Variants in WASL observed in about 807,000 individuals in gnomAD.
The protein encoded by WASL is WASP like actin nucleation promoting factor.
WASL carries 20 observed loss-of-function variants against 55.5 expected under a neutral mutation model. The observed-to-expected ratio is 0.36, with a 90% CI of 0.25 to 0.52. The LOEUF (loss-of-function observed/expected upper bound fraction) is 0.52, where lower values mean the gene tolerates loss of function less well. WASL is among the 20% of genes least tolerant of loss of function. The probability of loss-of-function intolerance (pLI) is 0.92; values close to 1 mark genes in which losing one functional copy is unlikely to be tolerated. For missense variants in WASL, 504 were observed against 622.5 expected, an observed-to-expected ratio of 0.81 and a Z score of 2.03; for synonymous variants, 249 against 217.6, an observed-to-expected ratio of 1.14 and a Z score of -1.27.
intron 5 of WASL, among the ~76,000 whole-genome samples, chr7:123,699,182 G>A (rs1406752461): frequency 3.3e-5 from 5 of 152,080 alleles, no homozygotes; most frequent in Admixed American, 6.5e-5. Context: ...TCAGGAGTTC[G>A]AGACCAGCCT....
intron 1 of WASL, among the ~76,000 whole-genome samples, 183 bp from the exon 2 acceptor site, chr7:123,709,406 T>C (rs1803721176): frequency 6.6e-6 from 1 of 152,220 alleles, no homozygotes; most frequent in South Asian, 2.1e-4. Flanking sequence ...TAATTTCTTA[T>C]GTAGTAATAA....
chr7:123,725,368 GT>G (rs201362579), intron 1 of WASL, among the ~76,000 whole-genome samples: 1 of 151,676 alleles, frequency 6.6e-6, no homozygotes, highest in African/African-American at 2.4e-5. Context: ...CTAATAATCT[GT>G]TTTTTTTAAA....
chr7:123,710,874 C>T (rs1803743303), intron 1 of WASL, among the ~76,000 whole-genome samples: 1 of 152,132 alleles, frequency 6.6e-6, no homozygotes, highest in Non-Finnish European at 1.5e-5. Flanking sequence ...CATCCTGCTG[C>T]CAGCACTGAA....
chr7:123,710,738 C>CA (rs747727615), intron 1 of WASL, among the ~76,000 whole-genome samples: 1 of 152,000 alleles, frequency 6.6e-6, no homozygotes, highest in East Asian at 1.9e-4. Flanking sequence ...AACTTAAAAA[C>CA]AAAAAATGTG....
chr7:123,723,533 T>C lies in WASL; in HGVS notation c.118-14310A>G, dbSNP rs1371598157. Among the ~76,000 whole-genome samples the C allele has an allele frequency of 2.6e-5, 4 of 152,226 alleles. No individual in the cohort carries two copies. In the South Asian group the frequency reaches 6.2e-4, roughly 24 times the overall value. On this transcript the variant is annotated intron_variant, in intron 1 of 10. Coordinates refer to ENST00000223023, the MANE Select transcript of WASL (RefSeq NM_003941.4). ...CTGGCTTGTATACATATGACAAACC[T>C]ACCTTGCCAGTACCACCCATTCCCC...
At chr7:123,688,423 C>T (rs965559670) in intron 10 of WASL, among the ~76,000 whole-genome samples, 6 of 152,008 alleles carry the variant, frequency 3.9e-5, no homozygotes, top group Admixed American at 3.3e-4. Context: ...TGCAATGGTG[C>T]GATCTTGGCT....
chr7:123,744,769 T>C (rs1804403538), intron 1 of WASL, among the ~76,000 whole-genome samples: 1 of 152,172 alleles, frequency 6.6e-6, no homozygotes, highest in Non-Finnish European at 1.5e-5. Context: ...ACATACTCTT[T>C]ATATAAAATT....
At chr7:123,690,270 A>T (rs1210727443) in intron 9 of WASL, among the ~76,000 whole-genome samples, 4 of 152,230 alleles carry the variant, frequency 2.6e-5, no homozygotes, top group Non-Finnish European at 4.4e-5. Flanking sequence ...ACTTGAACAA[A>T]GTACTATTTG....
chr7:123,718,206 T>C (rs1443341069), intron 1 of WASL, among the ~76,000 whole-genome samples: 3 of 152,210 alleles, frequency 2.0e-5, no homozygotes, highest in Non-Finnish European at 4.4e-5. Context: ...CAAATAAACA[T>C]TCACTTTTAG....
In WASL at chr7:123,682,392, C is replaced by T. The variant is rs1180153919; in HGVS notation, c.*2127G>A. 1 of 152,072 alleles carries T rather than the reference C, an allele frequency of 6.6e-6. No individual in the cohort carries two copies. Among genetic ancestry groups the T allele is most frequent in the Non-Finnish European group, 1.5e-5 (1 of 68,000 alleles). 9.4% of individuals were successfully genotyped at this position (152,072 alleles called of 1,614,324 possible). A position where few individuals can be genotyped will look rare whatever the true frequency, so the allele number is the denominator to read the frequency against. ...AATTTAGACTTTTTGTAACAACAAC[C>T]AATGTCTTTTTCTTCTTTAAGAAAA... On this transcript the variant is annotated 3_prime_UTR_variant, in exon 11 of 11. Transcript: ENST00000223023.
At chr7:123,694,588 T>C (rs1246628292) in intron 8 of WASL, 127 bp downstream of exon 8, 2 of 876,430 alleles carry the variant, frequency 2.3e-6, no homozygotes, top group Admixed American at 3.1e-5. Context: ...TGGGCCACAT[T>C]AGTTGTCCAT....
At chr7:123,735,774 A>AC (rs2116821003) in intron 1 of WASL, among the ~76,000 whole-genome samples, 1 of 152,216 alleles carries the variant, frequency 6.6e-6, no homozygotes, top group African/African-American at 2.4e-5. Context: ...GAGGAGGAAG[A>AC]CGAGGAGGAC....
chr7:123,691,339 A>T (rs992025998), intron 9 of WASL, among the ~76,000 whole-genome samples: 1 of 152,168 alleles, frequency 6.6e-6, no homozygotes, highest in African/African-American at 2.4e-5. Context: ...AGGTTCTAGG[A>T]TAGGAGTCAG....
At position 123,682,288 on chromosome 7, in the gene WASL, C is replaced by T. The variant is rs1803209067; in HGVS notation, c.*2231G>A. The T allele has an allele frequency of 6.6e-6, 1 of 152,116 alleles. No individual in the cohort carries two copies. The highest frequency in any genetic ancestry group is 1.5e-5 in the Non-Finnish European group (1 of 68,012). 9.4% of individuals were successfully genotyped at this position (152,116 alleles called of 1,614,324 possible). A position where few individuals can be genotyped will look rare whatever the true frequency, so the allele number is the denominator to read the frequency against. On this transcript the variant is annotated 3_prime_UTR_variant, in exon 11 of 11. Transcript: ENST00000223023. ...ATGGTAGAGGACTGAAACATGCAAC[C>T]TTACACCTTACTTGGTAAAGCAGAT...
intron 1 of WASL, among the ~76,000 whole-genome samples, chr7:123,722,625 G>A (rs779729825): frequency 9.2e-5 from 14 of 151,960 alleles, no homozygotes; most frequent in Non-Finnish European, 1.6e-4. Context: ...CAACACCAGC[G>A]TGGCCAACAT....
chr7:123,715,152 T>C (rs1043565468), intron 1 of WASL, among the ~76,000 whole-genome samples: 4 of 152,220 alleles, frequency 2.6e-5, no homozygotes, highest in Admixed American at 6.5e-5. Context: ...TAATGGCCCT[T>C]GATTCAAGTT....
chr7:123,689,541 G>A (rs889775309), intron 9 of WASL, among the ~76,000 whole-genome samples: 11 of 152,118 alleles, frequency 7.2e-5, no homozygotes, highest in African/African-American at 2.4e-4. Context: ...AGACTCCAGA[G>A]TTGTTACGTG....
At position 123,690,611 on chromosome 7, in the gene WASL, TTC is replaced by T. The variant is rs1803394395; in HGVS notation, c.1348-1463_1348-1462del. On this transcript the variant is annotated intron_variant, in intron 9 of 10. Coordinates refer to ENST00000223023, the MANE Select transcript of WASL (RefSeq NM_003941.4). ...CACATCAATTAACAGGTTTTGCTGC[TTC>T]TTTTTTTTTTTTTGGAAAGAAAGGG... 9.3e-5 allele frequency among the ~76,000 whole-genome samples: 14 copies of T among 151,098 alleles called. No homozygotes were observed. The South Asian group carries it at 2.5e-3, about 27-fold the overall frequency.
intron 1 of WASL, among the ~76,000 whole-genome samples, chr7:123,724,151 T>G (rs559809618): frequency 4.6e-5 from 7 of 152,206 alleles, no homozygotes; most frequent in African/African-American, 1.7e-4. Flanking sequence ...AGATCAATAT[T>G]TGAAAACGTA....
Sources: allele counts gnomAD v4.1 joint callset (sites outside exome capture counted in the v4.1 genomes callset), GRCh38; gene constraint gnomAD v4.1.1; transcripts MANE v1.5; gene names NCBI Gene and HGNC (gene_info 2026-07-23, HGNC 2026-07-21).